The following MYH1 variants were observed in gnomAD, a reference collection of about 807,000 sequenced individuals.
The protein encoded by MYH1 is myosin-1.
A neutral mutation model predicts 225.6 loss-of-function variants in MYH1; 214 were observed. The observed-to-expected ratio is 0.95, with a 90% CI of 0.85 to 1.06. MYH1 has a LOEUF of 1.06. Among genes scored for constraint, MYH1 ranks in the 50% least tolerant of loss-of-function variants. The probability of loss-of-function intolerance (pLI) is 0.00; values close to 1 mark genes in which losing one functional copy is unlikely to be tolerated. For missense variants in MYH1, 2,098 were observed against 2,344.2 expected (o/e 0.89, Z 2.17); for synonymous variants, 774 against 842.3 (o/e 0.92, Z 1.40).
chr17:10,509,421 T>C, intron 15 of MYH1, 64 bp downstream of exon 15: 1 of 1,603,636 alleles, frequency 6.2e-7, no homozygotes, highest in Non-Finnish European at 8.5e-7. Flanking sequence ...ATATCAAGAT[T>C]TTATGATTTT....
At chr17:10,507,480 G>A (rs979627239) in intron 17 of MYH1, among the ~76,000 whole-genome samples, 2 of 151,972 alleles carry the variant, frequency 1.3e-5, no homozygotes, top group African/African-American at 4.8e-5. Context: ...TACTCATTTC[G>A]GTTCTATACC....
intron 22 of MYH1, among the ~76,000 whole-genome samples, 154 bp from the exon 23 acceptor site, chr17:10,503,402 G>T (rs1166073483): frequency 6.6e-6 from 1 of 152,114 alleles, no homozygotes; most frequent in Admixed American, 6.6e-5. Context: ...GGGCACTTAT[G>T]AGTCCGGTAA....
At chr17:10,494,538 A>C in intron 38 of MYH1, 31 bp downstream of exon 38, 2 of 1,612,096 alleles carry the variant, frequency 1.2e-6, no homozygotes, top group Non-Finnish European at 1.7e-6. Flanking sequence ...TGTGGACTAA[A>C]GTGAAAACCT....
rs61147841 is a variant in MYH1, at chr17:10,492,846, GTTT to G, written c.5668-281_5668-279del. 1.6e-4 allele frequency among the ~76,000 whole-genome samples: 23 copies of G among 146,546 alleles called. No homozygotes were observed. In the East Asian group the frequency reaches 3.8e-3, roughly 24 times the overall value. On this transcript the variant is annotated intron_variant, in intron 39 of 39. Transcript: ENST00000226207. ...CTAAATATGCCAGGTGTCCAGCTTT[GTTT>G]TTTTTTTTGTTTGTTTGTTTGTTTT...
intron 33 of MYH1, 142 bp downstream of exon 33, chr17:10,496,927 G>A: frequency 9.1e-7 from 1 of 1,100,218 alleles, no homozygotes. Flanking sequence ...TATGTTGGTT[G>A]TATGCATGAT....
rs202246274 is a variant in MYH1 at position 10,495,019 on chromosome 17, G to A, written c.5378C>T (p.Thr1793Met). The A allele has an allele frequency of 4.6e-5, 74 of 1,614,192 alleles. No homozygotes were observed. The highest frequency in any genetic ancestry group is 1.6e-4 in the Middle Eastern group (1 of 6,062). The stretch of plus-strand genomic sequence containing the variant: ...CAGACGATGCTGCAGGTCCTTCACC[G>A]TCTGTTCCAGGTTCTTCTTCATCCG... ...LERMKKNLEQ[T>M]VKDLQHRLDE... Residue 1793 changes from threonine (T) to methionine (M), a missense_variant, in exon 37 of 40, where the codon ACG (threonine) becomes ATG (methionine). By Grantham distance (81) the Thr-to-Met change is moderately conservative. Coordinates refer to ENST00000226207, the MANE Select transcript of MYH1 (RefSeq NM_005963.4).
intron 39 of MYH1, among the ~76,000 whole-genome samples, 187 bp downstream of exon 39, chr17:10,494,167 T>C (rs1265938805): frequency 3.3e-5 from 5 of 152,230 alleles, no homozygotes; most frequent in African/African-American, 1.2e-4. Flanking sequence ...GCATTTGCTC[T>C]TCCCCATCTC....
chr17:10,506,484 TTTC>T (rs553558426), intron 17 of MYH1, among the ~76,000 whole-genome samples: 362 of 152,200 alleles, frequency 2.4e-3, no homozygotes, highest in African/African-American at 8.4e-3. Flanking sequence ...TTCTTTGTCT[TTTC>T]TTCTTCTTCT....
Position 10,498,819 on chromosome 17 carries a change from T to G in MYH1, c.3988A>C (p.Lys1330Gln). The change falls in exon 30 of 40, where the codon AAG becomes CAG. Residue 1330 changes from lysine to glutamine, a missense_variant. By Grantham distance (53) the Lys-to-Gln change is moderately conservative. Coordinates refer to ENST00000226207, the MANE Select transcript of MYH1 (RefSeq NM_005963.4). ...TGCAGGGCATGTGCCAGGGCACTCTTGGCCTGAGAACATAGAGATTGATGA... is the reference window on the plus strand; with the variant it reads ...TGCAGGGCATGTGCCAGGGCACTCTGGGCCTGAGAACATAGAGATTGATGA... ...KRQLEEEIKA[K>Q]SALAHALQSS... The G allele has an allele frequency of 1.2e-6, 2 of 1,614,162 alleles. No homozygotes were observed. The highest frequency in any genetic ancestry group is 1.7e-6 in the Non-Finnish European group (2 of 1,179,990).
chr17:10,506,093 A>G lies in MYH1; in HGVS notation c.1975T>C (p.Leu659=), dbSNP rs763993125. The stretch of plus-strand genomic sequence containing the variant: ...CTCAAGTTGGTCATCAGCTTATTCA[A>G]ATTCTCCTGTGGAACCATGCGAGTT... ...QTVSALFREN[L]NKLMTNLRST... Residue 659 remains leucine (L), a synonymous_variant, in exon 18 of 40, where the codon TTG becomes CTG. Transcript: ENST00000226207. 6.2e-7 allele frequency: 1 copy of G among 1,614,076 alleles called. No homozygotes were observed.
At position 10,505,441 on chromosome 17, in the gene MYH1, G is replaced by A; in HGVS notation, c.2245C>T (p.Leu749Phe). The change falls in exon 20 of 40, where the codon CTC becomes TTC. Residue 749 changes from leucine (L) to phenylalanine (F), a missense_variant. Coordinates refer to ENST00000226207, the MANE Select transcript of MYH1 (RefSeq NM_005963.4). ...TGGTCAATGTCAATGGACCCCAGGA[G>A]CTTCTCTGAAGCCTTCTTGCTATCG... is the stretch of plus-strand genomic sequence containing the variant. ...FIDSKKASEK[L>F]LGSIDIDHTQ... 2.5e-6 allele frequency: 4 copies of A among 1,614,196 alleles called. No homozygotes were observed. The highest frequency in any genetic ancestry group is 3.4e-6 in the Non-Finnish European group (4 of 1,180,012).
At position 10,512,007 on chromosome 17, in the gene MYH1, T is replaced by C; in HGVS notation, c.1267-19A>G. Reference sequence around the variant, plus strand: ...TGTACACCTTCACAGATAAAGTTTGTTGGTGTTATTAAAGACATGTCATGA... The same window carrying C: ...TGTACACCTTCACAGATAAAGTTTGCTGGTGTTATTAAAGACATGTCATGA... On this transcript the variant is annotated intron_variant, in intron 13 of 39. Coordinates refer to ENST00000226207, the MANE Select transcript of MYH1 (RefSeq NM_005963.4). The C allele has an allele frequency of 6.2e-7, 1 of 1,614,118 alleles. No individual in the cohort carries two copies. The highest frequency in any genetic ancestry group is 2.2e-5 in the East Asian group (1 of 44,878).
rs1271826604 is a variant in MYH1 at position 10,492,363 on chromosome 17, A to G, written c.*53T>C. ...GTCATAAGTACAAAATGGAGTGACA[A>G]AGATTTTCACATTTTGTGCATTTCT... On this transcript the variant is annotated 3_prime_UTR_variant, in exon 40 of 40. Transcript: ENST00000226207. The G allele has an allele frequency of 2.5e-6, 4 of 1,593,696 alleles. No homozygotes were observed. Among genetic ancestry groups the G allele is most frequent in the East Asian group, 2.3e-5 (1 of 43,830 alleles).
intron 16 of MYH1, 105 bp downstream of exon 16, chr17:10,508,258 A>G (rs1597440739): frequency 7.7e-7 from 1 of 1,304,292 alleles, no homozygotes; most frequent in East Asian, 2.4e-5. Flanking sequence ...ACCTCAGGCA[A>G]TCTACCCACC....
intron 28 of MYH1, among the ~76,000 whole-genome samples, chr17:10,499,955 A>C (rs958849278): frequency 6.6e-6 from 1 of 152,176 alleles, no homozygotes; most frequent in African/African-American, 2.4e-5. Context: ...AAAGTTGGAC[A>C]CGTCAGTAGG....
rs750670553 is a variant in MYH1 at position 10,494,992 on chromosome 17, T to C, written c.5405A>G (p.Asp1802Gly). ...CTTCAGGGCCAGCTGCTCAGCCTCA[T>C]CCAGACGATGCTGCAGGTCCTTCAC... ...QTVKDLQHRL[D>G]EAEQLALKGG... The change falls in exon 37 of 40, where the codon GAT becomes GGT. Residue 1802 changes from aspartate (D) to glycine (G), a missense_variant. Physicochemically the swap from Asp to Gly is moderately conservative, Grantham distance 94. Transcript: ENST00000226207. 51 of 1,614,196 alleles carry C rather than the reference T, an allele frequency of 3.2e-5. No homozygotes were observed. The highest frequency in any genetic ancestry group is 3.3e-4 in the Middle Eastern group (2 of 6,062).
At chr17:10,494,745 C>T (rs751348410) in intron 37 of MYH1, 72 bp from the exon 38 acceptor site, 18 of 1,598,676 alleles carry the variant, frequency 1.1e-5, no homozygotes, top group Non-Finnish European at 1.5e-5. Context: ...CCACATACTT[C>T]TTCTACTCTG....
Position 10,508,622 on chromosome 17 carries a change from C to A in MYH1, c.1638G>T (p.Ala546=). ...GCTTGTTCTTGAAGGAGGTGTCTGT[C>A]GCCTTGGGGAACATGCACTCCTCTT... ...ILEEECMFPK[A]TDTSFKNKLY... Residue 546 remains alanine (A), a synonymous_variant, in exon 16 of 40, where the codon GCG becomes GCT. Coordinates refer to ENST00000226207, the MANE Select transcript of MYH1 (RefSeq NM_005963.4). The A allele has an allele frequency of 1.2e-6, 2 of 1,614,156 alleles. No homozygotes were observed. The highest frequency in any genetic ancestry group is 2.7e-5 in the African/African-American group (2 of 75,024).
chr17:10,512,838 A>T, intron 10 of MYH1, 29 bp downstream of exon 10: 1 of 1,599,852 alleles, frequency 6.3e-7, no homozygotes. Flanking sequence ...GTACAGTGAC[A>T]ATCTTCTAGC....
Sources: allele counts gnomAD v4.1 joint callset (sites outside exome capture counted in the v4.1 genomes callset), GRCh38; gene constraint gnomAD v4.1.1; transcripts MANE v1.5; gene names NCBI Gene and HGNC (gene_info 2026-07-23, HGNC 2026-07-21).